The following SEMA3D variants were observed in gnomAD, a reference collection of about 807,000 sequenced individuals.
SEMA3D encodes the protein semaphorin-3D.
SEMA3D carries 84 observed loss-of-function variants against 100.1 expected under a neutral mutation model. The observed-to-expected ratio is 0.84, with a 90% CI of 0.70 to 1.01. The LOEUF is 1.01. SEMA3D is among the 50% of genes least tolerant of loss of function. The probability of loss-of-function intolerance (pLI) is 0.00; values close to 1 mark genes in which losing one functional copy is unlikely to be tolerated. For synonymous variants in SEMA3D, 312 were observed against 320.7 expected (o/e 0.97, Z 0.29); for missense variants, 875 against 934.1 (o/e 0.94, Z 0.82).
chr7:85,028,289 A>G, intron 12 of SEMA3D: 1 of 709,088 alleles, frequency 1.4e-6, no homozygotes, highest in East Asian at 2.6e-5. Flanking sequence ...GACTCTCAGC[A>G]TCAGGGCTAT....
intron 1 of SEMA3D, among the ~76,000 whole-genome samples, chr7:85,175,262 G>A (rs747360123): frequency 9.2e-5 from 14 of 152,132 alleles, no homozygotes; most frequent in Non-Finnish European, 1.6e-4. Context: ...GAAAAGACAC[G>A]TGATAGTGAC....
At chr7:85,117,936 G>C (rs1789293593) in intron 3 of SEMA3D, among the ~76,000 whole-genome samples, 1 of 151,286 alleles carries the variant, frequency 6.6e-6, no homozygotes, top group African/African-American at 2.4e-5. Flanking sequence ...AAACAATAGA[G>C]CTTGTAAGAA....
At chr7:85,168,363 T>G (rs887312211) in intron 1 of SEMA3D, among the ~76,000 whole-genome samples, 9 of 151,880 alleles carry the variant, frequency 5.9e-5, no homozygotes, top group Non-Finnish European at 1.3e-4. Context: ...GTATGACCTA[T>G]TTTTAATTCT....
At chr7:85,034,818 A>G (rs962157333) in intron 12 of SEMA3D, among the ~76,000 whole-genome samples, 8 of 152,066 alleles carry the variant, frequency 5.3e-5, no homozygotes, top group Non-Finnish European at 8.8e-5. Flanking sequence ...AAAACAAAAG[A>G]TGAGTATTAA....
At position 85,017,496 on chromosome 7, in the gene SEMA3D, A is replaced by T. The variant is rs148449506; in HGVS notation, c.1545+756T>A. On this transcript the variant is annotated intron_variant, in intron 15 of 18. Transcript: ENST00000284136. ...AAGAAAACTATTTAGATAATTTCCTAAAAAAATCACTCTGCCATAGGAACA... is the reference window on the plus strand; with the variant it reads ...AAGAAAACTATTTAGATAATTTCCTTAAAAAATCACTCTGCCATAGGAACA... Among the ~76,000 whole-genome samples the T allele has an allele frequency of 5.0e-3, 765 of 151,858 alleles. 5 individuals are homozygous for T. Among genetic ancestry groups the T allele is most frequent in the African/African-American group, 0.017 (718 of 41,500 alleles).
the SEMA3D span, among the ~76,000 whole-genome samples, chr7:85,219,455 A>T: frequency 0.11 from 7,286 of 63,622 alleles, 342 homozygotes; most frequent in African/African-American, 0.24. Context: ...AATGAAAGAC[A>T]TTTTTTTTAG....
rs1789523266 is a variant in SEMA3D at position 84,997,104 on chromosome 7, T to C, written c.*2336A>G. ...ATTGTATCCAAAGCAGCCAGAATATTAGATGTGGTCATAAAATAAGTTTCC... is the reference window on the plus strand; with the variant it reads ...ATTGTATCCAAAGCAGCCAGAATATCAGATGTGGTCATAAAATAAGTTTCC... On this transcript the variant is annotated 3_prime_UTR_variant, in exon 19 of 19. Coordinates refer to ENST00000284136, the MANE Select transcript of SEMA3D (RefSeq NM_001384900.1). The C allele has an allele frequency of 6.6e-6, 1 of 151,974 alleles. No individual in the cohort carries two copies. Among genetic ancestry groups the C allele is most frequent in the Non-Finnish European group, 1.5e-5 (1 of 67,908 alleles). 9.4% of individuals were successfully genotyped at this position (151,974 alleles called of 1,614,324 possible). A position where few individuals can be genotyped will look rare whatever the true frequency, so the allele number is the denominator to read the frequency against.
At chr7:85,192,594 T>C in the SEMA3D span, among the ~76,000 whole-genome samples, 1 of 152,150 alleles carries the variant, frequency 6.6e-6, no homozygotes, top group African/African-American at 2.4e-5. Flanking sequence ...TCGGAGCTAC[T>C]GCTTTTCTAA....
At chr7:85,217,610 T>G in the SEMA3D span, among the ~76,000 whole-genome samples, 1 of 152,038 alleles carries the variant, frequency 6.6e-6, no homozygotes, top group African/African-American at 2.4e-5. Flanking sequence ...CAGGAACCAG[T>G]AGATAAGGGC....
At chr7:85,111,433 A>C (rs1341487340) in intron 3 of SEMA3D, among the ~76,000 whole-genome samples, 1 of 152,020 alleles carries the variant, frequency 6.6e-6, no homozygotes. Flanking sequence ...TGTAGACCAC[A>C]ACAAAACAAA....
At chr7:85,062,224 G>A (rs569366269) in intron 8 of SEMA3D, among the ~76,000 whole-genome samples, 5 of 152,086 alleles carry the variant, frequency 3.3e-5, no homozygotes, top group Non-Finnish European at 7.3e-5. Context: ...AATTCTCTCA[G>A]GTTTATAACA....
At chr7:85,152,263 A>C (rs1790451854) in intron 2 of SEMA3D, among the ~76,000 whole-genome samples, 1 of 152,104 alleles carries the variant, frequency 6.6e-6, no homozygotes, top group African/African-American at 2.4e-5. Flanking sequence ...GATTGTTAGA[A>C]TAAGCCAAAG....
At chr7:85,214,347 T>A in the SEMA3D span, among the ~76,000 whole-genome samples, 1 of 152,128 alleles carries the variant, frequency 6.6e-6, no homozygotes, top group Non-Finnish European at 1.5e-5. Flanking sequence ...TTGCACTATA[T>A]TACTAATTGT....
chr7:85,081,469 A>G (rs750909178), intron 5 of SEMA3D, 48 bp downstream of exon 5: 3 of 1,201,206 alleles, frequency 2.5e-6, no homozygotes, highest in South Asian at 2.4e-5. Context: ...ATTTGCTATC[A>G]TATCAGTAGA....
At chr7:85,042,132 G>T in intron 10 of SEMA3D, 39 bp downstream of exon 10, 1 of 1,356,322 alleles carries the variant, frequency 7.4e-7, no homozygotes. Context: ...TAATTAGGCA[G>T]TAAGGCCTTT....
chr7:85,078,553 A>G (rs748472064), intron 5 of SEMA3D, among the ~76,000 whole-genome samples: 1 of 152,154 alleles, frequency 6.6e-6, no homozygotes, highest in Admixed American at 6.6e-5. Context: ...AACTAAAGAC[A>G]TTTCTTTAGT....
At chr7:85,147,370 C>A (rs1355790721) in intron 2 of SEMA3D, among the ~76,000 whole-genome samples, 2 of 151,824 alleles carry the variant, frequency 1.3e-5, no homozygotes, top group Admixed American at 6.6e-5. Flanking sequence ...AGGCTGGTCT[C>A]AAAAACCAAC....
At chr7:85,157,107 C>A (rs1396572985) in intron 1 of SEMA3D, among the ~76,000 whole-genome samples, 1 of 149,168 alleles carries the variant, frequency 6.7e-6, no homozygotes, top group Non-Finnish European at 1.5e-5. Context: ...TCTGGCACAG[C>A]CTACCTTTTT....
chr7:85,104,440 G>A (rs971684977), intron 3 of SEMA3D, among the ~76,000 whole-genome samples: 3 of 151,994 alleles, frequency 2.0e-5, no homozygotes, highest in African/African-American at 7.2e-5. Flanking sequence ...CTATTTAAGG[G>A]GAAGGATAAG....
Sources: allele counts gnomAD v4.1 joint callset (sites outside exome capture counted in the v4.1 genomes callset), GRCh38; gene constraint gnomAD v4.1.1; transcripts MANE v1.5; gene names NCBI Gene and HGNC (gene_info 2026-07-23, HGNC 2026-07-21).